BRD10: variants seen among roughly 807,000 people sequenced by gnomAD.
BRD10 encodes the protein uncharacterized bromodomain-containing protein 10.
the BRD10 span, among the ~76,000 whole-genome samples, chr9:5,948,594 A>G: frequency 6.6e-6 from 1 of 152,094 alleles, no homozygotes; most frequent in South Asian, 2.1e-4. Context: ...TGTCCTTTGG[A>G]TAGAAATTCA....
At chr9:5,917,186 T>C in the BRD10 span, among the ~76,000 whole-genome samples, 3 of 152,190 alleles carry the variant, frequency 2.0e-5, no homozygotes, top group Non-Finnish European at 4.4e-5. Flanking sequence ...CAAGTAATTA[T>C]AGTTTTGAAG....
the BRD10 span, among the ~76,000 whole-genome samples, chr9:5,983,634 C>A: frequency 1.3e-5 from 2 of 152,058 alleles, no homozygotes; most frequent in African/African-American, 2.4e-5. Context: ...GGATTAGACA[C>A]TGCAGAAGAA....
the BRD10 span, among the ~76,000 whole-genome samples, chr9:5,944,196 A>T: frequency 6.6e-6 from 1 of 152,180 alleles, no homozygotes; most frequent in African/African-American, 2.4e-5. Context: ...TGTGTTTAAA[A>T]TCTGTGCATA....
At chr9:5,977,422 T>G in the BRD10 span, among the ~76,000 whole-genome samples, 1 of 152,220 alleles carries the variant, frequency 6.6e-6, no homozygotes, top group Non-Finnish European at 1.5e-5. Flanking sequence ...ATGGAGTCTC[T>G]TTCCTGATCC....
the BRD10 span, among the ~76,000 whole-genome samples, chr9:5,935,352 A>G: frequency 7.9e-5 from 12 of 152,228 alleles, no homozygotes; most frequent in Non-Finnish European, 1.8e-4. Context: ...AACAATAATG[A>G]TAACATTTCA....
the BRD10 span, chr9:5,923,012 G>T: frequency 1.9e-6 from 3 of 1,613,948 alleles, no homozygotes; most frequent in South Asian, 3.3e-5. Context: ...AGTAGACACT[G>T]GTACTGAATC....
chr9:6,000,837 C>G, the BRD10 span, among the ~76,000 whole-genome samples: 1 of 152,128 alleles, frequency 6.6e-6, no homozygotes, highest in Non-Finnish European at 1.5e-5. Flanking sequence ...AGTTTGAAGA[C>G]ATTCAATCCT....
chr9:5,998,058 G>C, the BRD10 span, among the ~76,000 whole-genome samples: 23 of 152,166 alleles, frequency 1.5e-4, no homozygotes, highest in African/African-American at 5.1e-4. Context: ...TTTTTGGCTA[G>C]AGCAATTTGG....
At chr9:5,894,760 G>C in the BRD10 span, among the ~76,000 whole-genome samples, 1 of 152,168 alleles carries the variant, frequency 6.6e-6, no homozygotes, top group Non-Finnish European at 1.5e-5. The surrounding 1 kb of genome is among the most constrained non-coding windows in gnomAD (Gnocchi z 4.0). Flanking sequence ...GATGCCCCAG[G>C]TTTGTAGGCA....
chr9:5,960,562 CAAAA>C, the BRD10 span, among the ~76,000 whole-genome samples: 2 of 122,376 alleles, frequency 1.6e-5, no homozygotes, highest in Non-Finnish European at 1.7e-5. Context: ...GACTCTGTCT[CAAAA>C]AAAAAAAAAA....
At chr9:5,922,868 G>C in the BRD10 span, 3 of 1,613,806 alleles carry the variant, frequency 1.9e-6, no homozygotes, top group Admixed American at 3.3e-5. Context: ...GCTTGCTTCC[G>C]GAGGAGATAA....
the BRD10 span, among the ~76,000 whole-genome samples, chr9:5,958,749 G>A: frequency 6.6e-6 from 1 of 152,036 alleles, no homozygotes; most frequent in African/African-American, 2.4e-5. Flanking sequence ...TTCGCCTTAG[G>A]AACCTTAATA....
chr9:5,921,193 A>G, the BRD10 span: 1 of 1,613,774 alleles, frequency 6.2e-7, no homozygotes, highest in Admixed American at 1.7e-5. Flanking sequence ...TTGGGGTTAC[A>G]TTTTGTAATA....
At chr9:6,004,252 T>G in the BRD10 span, among the ~76,000 whole-genome samples, 1 of 152,208 alleles carries the variant, frequency 6.6e-6, no homozygotes, top group Non-Finnish European at 1.5e-5. Flanking sequence ...ATATATCCAT[T>G]ACAGAATTAT....
the BRD10 span, among the ~76,000 whole-genome samples, chr9:5,881,212 G>C: frequency 1.3e-5 from 2 of 152,160 alleles, no homozygotes. Context: ...AGACAGAAAT[G>C]AGCAGGATTT....
the BRD10 span, chr9:5,968,124 T>C: frequency 3.8e-6 from 6 of 1,577,456 alleles, no homozygotes; most frequent in South Asian, 5.7e-5. Context: ...CCTTCACGCT[T>C]TCTCTGTAAG....
At chr9:5,923,545 T>G in the BRD10 span, among the ~76,000 whole-genome samples, 3 of 152,174 alleles carry the variant, frequency 2.0e-5, no homozygotes, top group Non-Finnish European at 4.4e-5. Flanking sequence ...AAAATTTTTT[T>G]GGTCAAAATT....
At chr9:5,965,056 T>TAAAAAAAA in the BRD10 span, among the ~76,000 whole-genome samples, 3 of 118,274 alleles carry the variant, frequency 2.5e-5, no homozygotes, top group South Asian at 2.6e-4. Context: ...TAAAGTATAA[T>TAAAAAAAA]AAAAAAAAAA....
the BRD10 span, among the ~76,000 whole-genome samples, chr9:5,960,786 T>C: frequency 6.6e-6 from 1 of 152,140 alleles, no homozygotes; most frequent in Non-Finnish European, 1.5e-5. Context: ...CAATCTATAA[T>C]AGTATATTAT....
Sources: allele counts gnomAD v4.1 joint callset (sites outside exome capture counted in the v4.1 genomes callset), GRCh38; gene constraint gnomAD v4.1.1; non-coding constraint Gnocchi (gnomAD v3.1); transcripts MANE v1.5; gene names NCBI Gene and HGNC (gene_info 2026-07-23, HGNC 2026-07-21).